Variants in CYYR1 observed in about 807,000 individuals in gnomAD.
CYYR1 encodes cysteine and tyrosine rich 1, also known as cysteine and tyrosine-rich protein 1.
Under a neutral mutation model 15.2 loss-of-function variants are expected in CYYR1, and 14 were observed. The ratio of observed to expected loss-of-function variants is 0.92; its 90% CI spans 0.61 to 1.44. The LOEUF (loss-of-function observed/expected upper bound fraction) is 1.44, where lower values mean the gene tolerates loss of function less well. Ranked by LOEUF, CYYR1 falls within the 40% of genes most tolerant of loss-of-function variation. The pLI is 0.00. For missense variants in CYYR1, 228 were observed against 209.5 expected (o/e 1.09, Z -0.54); for synonymous variants, 80 against 77.4 (o/e 1.03, Z -0.18).
chr21:26,525,846 G>A (rs1429186607), intron 2 of CYYR1, among the ~76,000 whole-genome samples: 1 of 152,142 alleles, frequency 6.6e-6, no homozygotes, highest in Non-Finnish European at 1.5e-5. Flanking sequence ...CTGAAAGATA[G>A]TTACAGGCAG....
chr21:26,513,316 T>C (rs2065676523), intron 2 of CYYR1, among the ~76,000 whole-genome samples: 1 of 152,174 alleles, frequency 6.6e-6, no homozygotes, highest in South Asian at 2.1e-4. Flanking sequence ...CTTGCTCATC[T>C]TTGTACCTCT....
At chr21:26,537,648 A>G (rs1235821395) in intron 2 of CYYR1, among the ~76,000 whole-genome samples, 1 of 152,112 alleles carries the variant, frequency 6.6e-6, no homozygotes, top group Non-Finnish European at 1.5e-5. Context: ...GGCAATGCTT[A>G]ACCTCCAACT....
Position 26,502,764 on chromosome 21 carries a change from T to C in CYYR1, c.177-22335A>G, listed in dbSNP as rs186180843. On this transcript the variant is annotated intron_variant, in intron 2 of 3. Coordinates refer to ENST00000652641, the MANE Select transcript of CYYR1 (RefSeq NM_001320768.2). ...TATTGTTTGTTTCTATGTTGTAATA[T>C]GCCAGTGAGCTATAGGTAATGTTGG... 1.6e-3 allele frequency among the ~76,000 whole-genome samples: 245 copies of C among 152,268 alleles called. 1 individual carries two copies. The highest frequency in any genetic ancestry group is 3.4e-3 in the Middle Eastern group (1 of 294).
chr21:26,492,824 C>T (rs2065346519), intron 2 of CYYR1, among the ~76,000 whole-genome samples: 1 of 152,014 alleles, frequency 6.6e-6, no homozygotes, highest in Non-Finnish European at 1.5e-5. Flanking sequence ...GAGACTAAGA[C>T]TGGGAAAGAC....
At chr21:26,498,304 CT>C (rs1569148783) in intron 2 of CYYR1, among the ~76,000 whole-genome samples, 1 of 152,126 alleles carries the variant, frequency 6.6e-6, no homozygotes, top group African/African-American at 2.4e-5. Context: ...TAAAAATGAC[CT>C]TGTCTTTCTT....
chr21:26,528,148 T>G (rs1403568565), intron 2 of CYYR1, among the ~76,000 whole-genome samples: 3 of 152,214 alleles, frequency 2.0e-5, no homozygotes, highest in Non-Finnish European at 4.4e-5. Context: ...AATAACATCA[T>G]TTTTGTTAAT....
At chr21:26,484,104 T>C (rs1163557143) in intron 2 of CYYR1, among the ~76,000 whole-genome samples, 1 of 152,126 alleles carries the variant, frequency 6.6e-6, no homozygotes, top group Admixed American at 6.6e-5. Flanking sequence ...CTACGCATTG[T>C]GAAATATTCC....
intron 2 of CYYR1, among the ~76,000 whole-genome samples, chr21:26,509,645 ACT>A (rs2065619469): frequency 6.6e-6 from 1 of 151,938 alleles, no homozygotes; most frequent in Non-Finnish European, 1.5e-5. Context: ...AAGTCAGATG[ACT>A]CTCCAGGGTA....
chr21:26,566,272 A>C lies in CYYR1; in HGVS notation c.170T>G (p.Ile57Ser). 11 of 1,611,690 alleles carry C rather than the reference A, an allele frequency of 6.8e-6. No individual in the cohort carries two copies. The highest frequency in any genetic ancestry group is 9.3e-6 in the Non-Finnish European group (11 of 1,177,944). Residue 57 changes from isoleucine (I) to serine (S), a missense_variant, in exon 2 of 4, where the codon ATC becomes AGC. Transcript: ENST00000652641. ...AAATCTGACGAATACTCACGAGAGG[A>C]TATTCCCAATATAAGCGTAGTAGGA... The part of the protein sequence containing the change: ...CCSYYAYIGN[I>S]LSGTAIAGIV...
chr21:26,556,796 G>C (rs1042235141), intron 2 of CYYR1, among the ~76,000 whole-genome samples: 1 of 152,078 alleles, frequency 6.6e-6, no homozygotes, highest in Non-Finnish European at 1.5e-5. Flanking sequence ...ATTGCAATTC[G>C]ACATGAAATT....
At chr21:26,475,195 G>T (rs1453146054) in intron 3 of CYYR1, among the ~76,000 whole-genome samples, 1 of 152,016 alleles carries the variant, frequency 6.6e-6, no homozygotes, top group Non-Finnish European at 1.5e-5. Flanking sequence ...TGAGATTCCT[G>T]TTTCATGCTT....
intron 2 of CYYR1, among the ~76,000 whole-genome samples, chr21:26,494,351 C>T (rs1012927676): frequency 1.3e-5 from 2 of 152,124 alleles, no homozygotes; most frequent in Non-Finnish European, 2.9e-5. Context: ...TTATCTCCCC[C>T]AACATCACCT....
chr21:26,526,820 G>T (rs1036349172), intron 2 of CYYR1, among the ~76,000 whole-genome samples: 3 of 152,106 alleles, frequency 2.0e-5, no homozygotes, highest in Non-Finnish European at 4.4e-5. Flanking sequence ...TTTTTAAGTT[G>T]TATAATAATT....
At chr21:26,546,388 A>C (rs1978979079) in intron 2 of CYYR1, among the ~76,000 whole-genome samples, 1 of 152,182 alleles carries the variant, frequency 6.6e-6, no homozygotes, top group Admixed American at 6.5e-5. Flanking sequence ...CACTTTGATC[A>C]CACATTCATG....
At chr21:26,560,952 C>T (rs1980155192) in intron 2 of CYYR1, among the ~76,000 whole-genome samples, 1 of 152,144 alleles carries the variant, frequency 6.6e-6, no homozygotes, top group Admixed American at 6.5e-5. Flanking sequence ...TTTTTCCTTC[C>T]TCAAAACCAA....
intron 3 of CYYR1, among the ~76,000 whole-genome samples, chr21:26,474,678 G>A (rs552085409): frequency 1.2e-4 from 18 of 152,044 alleles, no homozygotes; most frequent in African/African-American, 4.3e-4. Flanking sequence ...TGCCTCTCAA[G>A]TCCCTTGACT....
intron 2 of CYYR1, among the ~76,000 whole-genome samples, chr21:26,521,203 A>T (rs948716320): frequency 5.3e-5 from 8 of 152,228 alleles, no homozygotes; most frequent in African/African-American, 1.4e-4. Flanking sequence ...AAAATAAAAT[A>T]AAATTAAAAA....
rs146360626 is a variant in CYYR1, at chr21:26,508,845, A to G, written c.177-28416T>C. Among the ~76,000 whole-genome samples, 202 of 152,320 alleles carry G rather than the reference A, an allele frequency of 1.3e-3. 1 individual carries two copies. The highest frequency in any genetic ancestry group is 2.3e-3 in the Admixed American group (35 of 15,304). Reference sequence around the variant, plus strand: ...GAGGATTGCAGCTTAAGGTATTAGGAAACTTAGATAGAAGCTTGATTATCA... The same window carrying G: ...GAGGATTGCAGCTTAAGGTATTAGGGAACTTAGATAGAAGCTTGATTATCA... On this transcript the variant is annotated intron_variant, in intron 2 of 3. Transcript: ENST00000652641.
chr21:26,531,046 G>A (rs565856156), intron 2 of CYYR1, among the ~76,000 whole-genome samples: 20 of 152,274 alleles, frequency 1.3e-4, no homozygotes, highest in African/African-American at 4.8e-4. Flanking sequence ...GTGCTGAGAG[G>A]TGCTAATGCA....
Sources: gnomAD v4.1 joint callset for allele counts (sites outside exome capture counted in the v4.1 genomes callset) on GRCh38, gnomAD v4.1.1 for gene constraint, MANE v1.5 for transcripts, NCBI Gene and HGNC (gene_info 2026-07-23, HGNC 2026-07-21) for gene names.